Variants in MKLN1 observed in about 807,000 individuals in gnomAD.
MKLN1 encodes the protein muskelin 1.
MKLN1 carries 18 observed loss-of-function variants against 99.0 expected under a neutral mutation model. The ratio of observed to expected loss-of-function variants is 0.18; its 90% CI spans 0.13 to 0.27. The LOEUF is 0.27. MKLN1 is among the 10% of genes least tolerant of loss of function. The pLI is 1.00. For synonymous variants in MKLN1, 288 were observed against 293.2 expected, an observed-to-expected ratio of 0.98 and a Z score of 0.18; for missense variants, 621 against 875.9, an observed-to-expected ratio of 0.71 and a Z score of 3.67.
intron 3 of MKLN1, among the ~76,000 whole-genome samples, chr7:131,301,454 A>G (rs959122074): frequency 6.6e-6 from 1 of 152,244 alleles, no homozygotes; most frequent in Non-Finnish European, 1.5e-5. Flanking sequence ...AGTCATCAAC[A>G]TAAGAAAGGT....
At chr7:131,376,537 G>T (rs997954593) in intron 2 of MKLN1, among the ~76,000 whole-genome samples, 1 of 151,036 alleles carries the variant, frequency 6.6e-6, no homozygotes, top group Non-Finnish European at 1.5e-5. Flanking sequence ...AGCTACTCGG[G>T]AGGCTGAGGC....
chr7:131,288,502 T>C (rs1310972452), intron 3 of MKLN1, among the ~76,000 whole-genome samples: 8 of 152,166 alleles, frequency 5.3e-5, no homozygotes, highest in African/African-American at 9.7e-5. Flanking sequence ...TCTTGAGTGA[T>C]AGAGATTCCA....
intron 1 of MKLN1, among the ~76,000 whole-genome samples, chr7:131,361,548 C>A (rs1394480924): frequency 6.6e-6 from 1 of 150,752 alleles, no homozygotes; most frequent in Non-Finnish European, 1.5e-5. Context: ...TTTTTTCTTG[C>A]CTTATTTAGC....
intron 2 of MKLN1, among the ~76,000 whole-genome samples, chr7:131,381,862 C>T (rs1409228341): frequency 6.6e-6 from 1 of 152,072 alleles, no homozygotes; most frequent in African/African-American, 2.4e-5. Flanking sequence ...GCATCAAATA[C>T]TAATTTAAAC....
chr7:131,369,049 A>C (rs752935530), intron 1 of MKLN1, among the ~76,000 whole-genome samples: 7 of 152,072 alleles, frequency 4.6e-5, no homozygotes, highest in Non-Finnish European at 1.0e-4. Context: ...AGGTTTTTAA[A>C]ATAAGAATAG....
chr7:131,401,231 G>C (rs914382786), intron 6 of MKLN1, among the ~76,000 whole-genome samples: 1 of 152,154 alleles, frequency 6.6e-6, no homozygotes, highest in Non-Finnish European at 1.5e-5. Context: ...TTTTAAGAAA[G>C]TGTAAGGCTC....
intron 2 of MKLN1, among the ~76,000 whole-genome samples, chr7:131,202,146 C>CTTTTTTTTTTTTT (rs58800874): frequency 1.0e-4 from 6 of 60,276 alleles, no homozygotes; most frequent in Non-Finnish European, 1.6e-4. Context: ...GCACTATTGA[C>CTTTTTTTTTTTTT]TTTTTTTTTT....
intron 2 of MKLN1, among the ~76,000 whole-genome samples, chr7:131,190,141 C>T (rs968611119): frequency 2.6e-4 from 40 of 152,138 alleles, no homozygotes; most frequent in Non-Finnish European, 3.1e-4. Flanking sequence ...TCTTAAAAAA[C>T]GAAAAACCTG....
At chr7:131,388,255 G>A (rs959111374) in intron 3 of MKLN1, among the ~76,000 whole-genome samples, 3 of 152,166 alleles carry the variant, frequency 2.0e-5, no homozygotes, top group Admixed American at 2.0e-4. Flanking sequence ...ACTCTATACT[G>A]TATTTAAGTC....
At chr7:131,230,428 G>C (rs1430526726) in intron 3 of MKLN1, among the ~76,000 whole-genome samples, 3 of 152,130 alleles carry the variant, frequency 2.0e-5, no homozygotes, top group Non-Finnish European at 4.4e-5. Flanking sequence ...CCCAGTGGTG[G>C]GGATGATGAG....
intron 15 of MKLN1, among the ~76,000 whole-genome samples, chr7:131,469,354 AG>A (rs1390610011): frequency 5.3e-5 from 8 of 152,204 alleles, no homozygotes; most frequent in African/African-American, 1.7e-4. Flanking sequence ...TCAAAGAGAA[AG>A]AATCTTCTTA....
intron 8 of MKLN1, among the ~76,000 whole-genome samples, chr7:131,425,802 GCTTT>G (rs1300998471): frequency 6.6e-6 from 1 of 152,056 alleles, no homozygotes; most frequent in Non-Finnish European, 1.5e-5. Context: ...AAATATTAAT[GCTTT>G]CTTTTTTCTT....
intron 1 of MKLN1, among the ~76,000 whole-genome samples, chr7:131,135,720 G>T (rs1795640025): frequency 6.6e-6 from 1 of 152,196 alleles, no homozygotes; most frequent in South Asian, 2.1e-4. Flanking sequence ...TGTCATGGAG[G>T]TCATTGCGAG....
intron 3 of MKLN1, among the ~76,000 whole-genome samples, chr7:131,315,986 T>G (rs1248653551): frequency 6.6e-6 from 1 of 152,210 alleles, no homozygotes; most frequent in Non-Finnish European, 1.5e-5. Context: ...TGGGCACAGC[T>G]TCAGCAGCCT....
At chr7:131,485,196 A>G (rs1369030476) in intron 17 of MKLN1, among the ~76,000 whole-genome samples, 1 of 152,116 alleles carries the variant, frequency 6.6e-6, no homozygotes, top group African/African-American at 2.4e-5. Context: ...AGCCAGCTCA[A>G]AAAGGCTCTC....
At chr7:131,185,664 G>T (rs1391793908) in intron 2 of MKLN1, among the ~76,000 whole-genome samples, 1 of 152,122 alleles carries the variant, frequency 6.6e-6, no homozygotes, top group Non-Finnish European at 1.5e-5. Context: ...TTCATCCAGG[G>T]GTTGTGAACA....
rs190811514 is a variant in MKLN1, at chr7:131,461,452, A to G, written c.1526-1765A>G. On this transcript the variant is annotated intron_variant, in intron 12 of 17. Transcript: ENST00000352689. ...TTGTGTATGTATGTATACAAATTGT[A>G]TGGTGTGTGTGTGTGTGTATAATTT... Among the ~76,000 whole-genome samples, 714 of 151,952 alleles carry G rather than the reference A, an allele frequency of 4.7e-3. 35 individuals carry two copies. The East Asian group carries it at 0.1, about 21-fold the overall frequency.
At chr7:131,187,201 C>T (rs1009199047) in intron 2 of MKLN1, among the ~76,000 whole-genome samples, 2 of 152,110 alleles carry the variant, frequency 1.3e-5, no homozygotes, top group African/African-American at 4.8e-5. Context: ...CAGTCATGGA[C>T]GAAGTGGCCA....
chr7:131,302,909 C>T (rs571644942), intron 3 of MKLN1, among the ~76,000 whole-genome samples: 1 of 152,216 alleles, frequency 6.6e-6, no homozygotes, highest in African/African-American at 2.4e-5. Flanking sequence ...GCTGGCTGGT[C>T]GCTGAGAGGC....
Sources: gnomAD v4.1 joint callset for allele counts (sites outside exome capture counted in the v4.1 genomes callset) on GRCh38, gnomAD v4.1.1 for gene constraint, MANE v1.5 for transcripts, NCBI Gene and HGNC (gene_info 2026-07-23, HGNC 2026-07-21) for gene names.